The following SEPTIN10 variants were observed in gnomAD, a reference collection of about 807,000 sequenced individuals.
The protein encoded by SEPTIN10 is septin-10.
A neutral mutation model predicts 54.8 loss-of-function variants in SEPTIN10; 66 were observed. The observed-to-expected ratio is 1.21, with a 90% CI of 0.99 to 1.48. The LOEUF is 1.48. SEPTIN10 is among the 40% of genes most tolerant of loss of function. The pLI is 0.00. For synonymous variants in SEPTIN10, 161 were observed against 181.0 expected (o/e 0.89, Z 0.89); for missense variants, 620 against 545.6 (o/e 1.14, Z -1.36).
chr2:109,546,362 T>C, intron 9 of SEPTIN10, 125 bp from the exon 10 acceptor site: 1 of 524,928 alleles, frequency 1.9e-6, no homozygotes, highest in African/African-American at 1.9e-5. Context: ...TCAAAATCTT[T>C]CTGAAGTCTC....
At chr2:109,568,427 A>G (rs1170038723) in intron 5 of SEPTIN10, among the ~76,000 whole-genome samples, 1 of 144,424 alleles carries the variant, frequency 6.9e-6, no homozygotes, top group Admixed American at 7.2e-5. Context: ...GCTGGAGTGC[A>G]ATGGTGCAAT....
intron 1 of SEPTIN10, among the ~76,000 whole-genome samples, chr2:109,599,386 A>T (rs1397749545): frequency 6.8e-6 from 1 of 146,922 alleles, no homozygotes. Context: ...TGAACTCAGG[A>T]GGCGGAGGTT....
At chr2:109,545,478 G>C in intron 10 of SEPTIN10, 1 of 1,536,010 alleles carries the variant, frequency 6.5e-7, no homozygotes, top group Non-Finnish European at 8.7e-7. Context: ...GCGTCTTTAC[G>C]TCCACCATTG....
chr2:109,577,792 A>G (rs1039116178), intron 4 of SEPTIN10, among the ~76,000 whole-genome samples: 9 of 150,306 alleles, frequency 6.0e-5, no homozygotes, highest in Admixed American at 1.3e-4. Context: ...GTGTGACTGC[A>G]GTACCAGCTA....
chr2:109,595,994 A>G (rs887321310), intron 1 of SEPTIN10, among the ~76,000 whole-genome samples: 3 of 152,212 alleles, frequency 2.0e-5, no homozygotes, highest in Admixed American at 6.5e-5. Flanking sequence ...CACTGAGGCT[A>G]TATTATTTTG....
chr2:109,544,930 A>AAAAC (rs1190641713), intron 10 of SEPTIN10: 29 of 982,264 alleles, frequency 3.0e-5, no homozygotes, highest in Non-Finnish European at 3.1e-5. Flanking sequence ...CTTTTCCAAA[A>AAAAC]AAACAAACAA....
At chr2:109,567,691 A>G in intron 6 of SEPTIN10, 124 bp downstream of exon 6, 1 of 1,009,004 alleles carries the variant, frequency 9.9e-7, no homozygotes, top group Admixed American at 2.8e-5. Context: ...ACTTTTTGAA[A>G]ATTCACCTTG....
At chr2:109,562,497 A>G (rs1466891806) in intron 8 of SEPTIN10, among the ~76,000 whole-genome samples, 1 of 151,898 alleles carries the variant, frequency 6.6e-6, no homozygotes, top group Non-Finnish European at 1.5e-5. Flanking sequence ...CATTTGGCTG[A>G]GCAGATAGCA....
chr2:109,555,650 T>C (rs765165072), intron 8 of SEPTIN10, among the ~76,000 whole-genome samples: 56 of 152,194 alleles, frequency 3.7e-4, no homozygotes, highest in Non-Finnish European at 6.8e-4. Flanking sequence ...TTTCTTGTGA[T>C]TATCTACAGG....
At chr2:109,563,329 T>C (rs369071204) in intron 8 of SEPTIN10, among the ~76,000 whole-genome samples, 1 of 152,218 alleles carries the variant, frequency 6.6e-6, no homozygotes, top group Non-Finnish European at 1.5e-5. Context: ...TCCAAAAGCT[T>C]ATATGCAACA....
intron 1 of SEPTIN10, chr2:109,605,824 C>T (rs898789470): frequency 6.6e-6 from 1 of 152,158 alleles, no homozygotes; most frequent in Non-Finnish European, 1.5e-5. Flanking sequence ...CTATCTTCTA[C>T]CAAAACAGAG....
chr2:109,595,143 T>A (rs1695035324), intron 1 of SEPTIN10: 2 of 152,254 alleles, frequency 1.3e-5, no homozygotes, highest in African/African-American at 4.8e-5. Flanking sequence ...CGCCTTGGCC[T>A]CCCAAAGTGC....
chr2:109,610,095 G>GTT lies in SEPTIN10; in HGVS notation c.30+3701_30+3702dup, dbSNP rs554268137. ...GCGAGACACTAAACTTCCCTGAGGT[G>GTT]TTTTTTTTTTTTTAGACAGAGTCTC... On this transcript the variant is annotated intron_variant, in intron 1 of 10. Transcript: ENST00000397712. Among the ~76,000 whole-genome samples the GTT allele has an allele frequency of 6.7e-3, 964 of 143,416 alleles. 6 individuals carry two copies. The highest frequency in any genetic ancestry group is 0.011 in the Non-Finnish European group (696 of 65,550). The allele number at this position is 143,416 out of a possible 152,430, so 94.1% of individuals were successfully genotyped here.
chr2:109,603,604 C>T lies in SEPTIN10; in HGVS notation c.30+10194G>A, dbSNP rs185575705. On this transcript the variant is annotated intron_variant, in intron 1 of 10. Coordinates refer to ENST00000397712, the MANE Select transcript of SEPTIN10 (RefSeq NM_144710.5). ...ATAACAGACCCCAGGTATTGTGGAT[C>T]GAAGCTGTATAAATCAATATCCTTG... Among the ~76,000 whole-genome samples the T allele has an allele frequency of 1.2e-3, 182 of 152,060 alleles. 1 individual carries two copies. The highest frequency in any genetic ancestry group is 4.1e-3 in the African/African-American group (170 of 41,494).
intron 1 of SEPTIN10, among the ~76,000 whole-genome samples, chr2:109,612,791 C>T (rs1699535088): frequency 6.6e-6 from 1 of 152,050 alleles, no homozygotes; most frequent in Non-Finnish European, 1.5e-5. Context: ...AAAAAATACG[C>T]GATAGAATGA....
At chr2:109,583,680 T>G (rs1691760823) in intron 4 of SEPTIN10, among the ~76,000 whole-genome samples, 1 of 152,170 alleles carries the variant, frequency 6.6e-6, no homozygotes, top group Non-Finnish European at 1.5e-5. Context: ...AAAAGACACA[T>G]GTACTCATAT....
Position 109,593,128 on chromosome 2 carries a change from G to C in SEPTIN10, c.31-9C>G. The C allele has an allele frequency of 6.3e-7, 1 of 1,578,466 alleles. No individual in the cohort carries two copies. Among genetic ancestry groups the C allele is most frequent in the Non-Finnish European group, 8.6e-7 (1 of 1,162,176 alleles). On this transcript the variant is annotated splice_polypyrimidine_tract_variant and intron_variant, in intron 1 of 10. Coordinates refer to ENST00000397712, the MANE Select transcript of SEPTIN10 (RefSeq NM_144710.5). The stretch of plus-strand genomic sequence containing the variant: ...ATGTGAGACTGAAAGAGCTAAAAAA[G>C]GAATACAAAGGCTTAAAAGGAAACA...
intron 8 of SEPTIN10, 138 bp from the exon 9 acceptor site, chr2:109,553,357 C>T (rs770182748): frequency 5.5e-6 from 4 of 731,308 alleles, no homozygotes; most frequent in Non-Finnish European, 8.7e-6. Context: ...CCAGCCTGGC[C>T]AACATAGTGA....
At chr2:109,568,771 T>C (rs1410670010) in intron 5 of SEPTIN10, among the ~76,000 whole-genome samples, 2 of 152,176 alleles carry the variant, frequency 1.3e-5, no homozygotes, top group Non-Finnish European at 2.9e-5. Flanking sequence ...AAGCTTCTCT[T>C]TGTGCCTCGT....
Sources: gnomAD v4.1 joint callset for allele counts (sites outside exome capture counted in the v4.1 genomes callset) on GRCh38, gnomAD v4.1.1 for gene constraint, MANE v1.5 for transcripts, NCBI Gene and HGNC (gene_info 2026-07-23, HGNC 2026-07-21) for gene names.